The following STXBP4 variants were observed in gnomAD, a reference collection of about 807,000 sequenced individuals.
The protein encoded by STXBP4 is syntaxin binding protein 4.
In STXBP4, 55 loss-of-function variants were observed where a neutral mutation model predicts 76.1. That is an observed-to-expected ratio of 0.72 (90% CI 0.58 to 0.91). The LOEUF (loss-of-function observed/expected upper bound fraction) is 0.91, where lower values mean the gene tolerates loss of function less well. Ranked by LOEUF, STXBP4 falls within the 40% of genes least tolerant of loss-of-function variation. The probability of loss-of-function intolerance (pLI) is 0.00; values close to 1 mark genes in which losing one functional copy is unlikely to be tolerated. For synonymous variants in STXBP4, 201 were observed against 220.2 expected (o/e 0.91, Z 0.77); for missense variants, 618 against 636.9 (o/e 0.97, Z 0.32).
intron 16 of STXBP4, among the ~76,000 whole-genome samples, chr17:55,136,079 A>G (rs1055406893): frequency 6.6e-6 from 1 of 152,192 alleles, no homozygotes; most frequent in African/African-American, 2.4e-5. Context: ...TAATAACAAT[A>G]TCTATCTCAA....
At chr17:55,143,173 G>T (rs2145154924) in intron 17 of STXBP4, among the ~76,000 whole-genome samples, 1 of 152,324 alleles carries the variant, frequency 6.6e-6, no homozygotes, top group African/African-American at 2.4e-5. Flanking sequence ...TCTTAACAAT[G>T]TGGAAAGTAG....
the STXBP4 span, among the ~76,000 whole-genome samples, chr17:55,199,284 T>C: frequency 6.6e-6 from 1 of 152,190 alleles, no homozygotes. Flanking sequence ...AGAACAGAGT[T>C]TTATTCATAT....
At chr17:55,193,261 C>T in the STXBP4 span, among the ~76,000 whole-genome samples, 5 of 151,924 alleles carry the variant, frequency 3.3e-5, no homozygotes, top group African/African-American at 9.7e-5. Context: ...AGAGGTAGAG[C>T]GAGTAAAGGA....
chr17:55,119,023 G>A (rs1432311677), intron 16 of STXBP4, among the ~76,000 whole-genome samples: 1 of 151,238 alleles, frequency 6.6e-6, no homozygotes, highest in Non-Finnish European at 1.5e-5. Flanking sequence ...TGTTACATAC[G>A]TATACATGTG....
At chr17:54,978,174 G>T (rs1056781671) in intron 1 of STXBP4, among the ~76,000 whole-genome samples, 3 of 152,072 alleles carry the variant, frequency 2.0e-5, no homozygotes, top group Non-Finnish European at 4.4e-5. Flanking sequence ...TAAAATTTTT[G>T]ATTTGTAGAG....
chr17:55,023,569 A>G (rs2078353057), intron 8 of STXBP4, among the ~76,000 whole-genome samples: 1 of 152,208 alleles, frequency 6.6e-6, no homozygotes, highest in South Asian at 2.1e-4. Flanking sequence ...GCACTCAAAA[A>G]GTTTTGGATT....
intron 16 of STXBP4, among the ~76,000 whole-genome samples, chr17:55,087,857 A>G (rs2079358689): frequency 6.6e-6 from 1 of 152,116 alleles, no homozygotes; most frequent in African/African-American, 2.4e-5. Context: ...AGTACTATTA[A>G]TAATTATTCT....
rs750351822 is a variant in STXBP4 at position 55,078,079 on chromosome 17, A to G, written c.1190A>G (p.Glu397Gly). ...QLADYSDQNKESVQDLKKRIM... is the reference protein window; with the variant it reads ...QLADYSDQNKGSVQDLKKRIM... Reference sequence around the variant, plus strand: ...GCTCCTTTTGATATCTCTGTGCAGGAAAGTGTTCAGGATTTAAAAAAGAGA... The same window carrying G: ...GCTCCTTTTGATATCTCTGTGCAGGGAAGTGTTCAGGATTTAAAAAAGAGA... Residue 397 changes from glutamate to glycine, a missense_variant and splice_region_variant, in exon 14 of 18, where the codon GAA (glutamate) becomes GGA (glycine). Glu to Gly is a moderately conservative substitution (Grantham distance 98). Transcript: ENST00000376352. The G allele has an allele frequency of 1.3e-6, 2 of 1,598,456 alleles. No individual in the cohort carries two copies.
intron 9 of STXBP4, among the ~76,000 whole-genome samples, chr17:55,032,052 C>T (rs2078518136): frequency 6.6e-6 from 1 of 152,100 alleles, no homozygotes; most frequent in African/African-American, 2.4e-5. Flanking sequence ...CTTTCTTAAG[C>T]CAAATCCTCA....
rs1172351258 is a variant in STXBP4, at chr17:55,118,093, A to G, written c.1490-23217A>G. On this transcript the variant is annotated intron_variant, in intron 16 of 17. Transcript: ENST00000376352. ...TCACGCATTTTGCTAGGCCCATAGT[A>G]TGCAAGGATGGATGAAACAGACATG... Among the ~76,000 whole-genome samples the G allele has an allele frequency of 2.0e-5, 3 of 151,954 alleles. No individual in the cohort carries two copies. In the East Asian group the frequency reaches 5.8e-4, roughly 29 times the overall value.
chr17:55,030,389 A>C lies in STXBP4; in HGVS notation c.667-779A>C, dbSNP rs149460473. On this transcript the variant is annotated intron_variant, in intron 8 of 17. Transcript: ENST00000376352. ...CAAGAAGTGCTTACCCCGACTTTTG[A>C]AAGGAGACTTCCTAATAGTACTCTA... Among the ~76,000 whole-genome samples the C allele has an allele frequency of 3.2e-3, 482 of 152,166 alleles. 1 individual carries two copies. Among genetic ancestry groups the C allele is most frequent in the Middle Eastern group, 0.031 (9 of 294 alleles).
rs2078670329 is a variant in STXBP4 at position 55,039,963 on chromosome 17, A to T, written c.856-3273A>T. On this transcript the variant is annotated intron_variant, in intron 10 of 17. Transcript: ENST00000376352. ...GAATTTGGGAATATTTTGGAGAGTG[A>T]TAGTTGAGGCATAATAGTGAATGTG... Among the ~76,000 whole-genome samples the T allele has an allele frequency of 2.0e-5, 3 of 152,136 alleles. No homozygotes were observed. The South Asian group carries it at 6.2e-4, about 32-fold the overall frequency.
At chr17:55,089,031 T>A (rs2079376236) in intron 16 of STXBP4, among the ~76,000 whole-genome samples, 1 of 152,230 alleles carries the variant, frequency 6.6e-6, no homozygotes, top group South Asian at 2.1e-4. Context: ...ACCCCAATTG[T>A]TCATCCAATT....
intron 14 of STXBP4, 94 bp downstream of exon 14, chr17:55,078,288 A>ACTAGTCTCTAG: frequency 1.2e-6 from 1 of 802,326 alleles, no homozygotes. Flanking sequence ...CTAGTGAAAC[A>ACTAGTCTCTAG]TTCTCTAGTC....
chr17:55,076,106 TC>T (rs1462403226), intron 13 of STXBP4, among the ~76,000 whole-genome samples: 2 of 152,168 alleles, frequency 1.3e-5, no homozygotes, highest in Non-Finnish European at 2.9e-5. Context: ...ATAAAAATCT[TC>T]TTCCAAATTT....
intron 12 of STXBP4, among the ~76,000 whole-genome samples, chr17:55,070,616 T>C (rs759859590): frequency 6.6e-6 from 1 of 152,148 alleles, no homozygotes; most frequent in Non-Finnish European, 1.5e-5. Context: ...TTTTCTCATA[T>C]CATTTTCTGC....
intron 16 of STXBP4, among the ~76,000 whole-genome samples, chr17:55,131,961 G>A (rs1369938432): frequency 6.6e-6 from 1 of 151,906 alleles, no homozygotes; most frequent in Non-Finnish European, 1.5e-5. Context: ...GGACTCAAGT[G>A]ATCTACCTGC....
At chr17:54,989,696 T>A (rs920313967) in intron 3 of STXBP4, among the ~76,000 whole-genome samples, 1 of 152,254 alleles carries the variant, frequency 6.6e-6, no homozygotes, top group African/African-American at 2.4e-5. Context: ...GCCCTAAATC[T>A]TATTTCAAAC....
chr17:55,106,483 T>C (rs540487073), intron 16 of STXBP4, among the ~76,000 whole-genome samples: 11 of 152,206 alleles, frequency 7.2e-5, no homozygotes, highest in Admixed American at 2.6e-4. Flanking sequence ...ATTGTTATGT[T>C]TGAATTTGAT....
Sources: allele counts gnomAD v4.1 joint callset (sites outside exome capture counted in the v4.1 genomes callset), GRCh38; gene constraint gnomAD v4.1.1; transcripts MANE v1.5; gene names NCBI Gene and HGNC (gene_info 2026-07-23, HGNC 2026-07-21).